Variants in LRRC4C observed in about 807,000 individuals in gnomAD.
LRRC4C encodes leucine-rich repeat-containing protein 4C.
Under a neutral mutation model 33.6 loss-of-function variants are expected in LRRC4C, and 5 were observed. The ratio of observed to expected loss-of-function variants is 0.15; its 90% confidence interval spans 0.08 to 0.31. LRRC4C has a LOEUF of 0.31. Ranked by LOEUF, LRRC4C falls within the 10% of genes least tolerant of loss-of-function variation. The pLI, the probability that LRRC4C is intolerant of heterozygous loss-of-function variation, is 1.00. For missense variants in LRRC4C, 560 were observed against 796.7 expected (o/e 0.70, Z 3.58); for synonymous variants, 329 against 302.0 (o/e 1.09, Z -0.93).
intron 3 of LRRC4C, among the ~76,000 whole-genome samples, chr11:40,533,221 AATTG>A (rs1401197561): frequency 1.3e-5 from 2 of 152,176 alleles, no homozygotes; most frequent in Non-Finnish European, 2.9e-5. Context: ...GTAACTATTA[AATTG>A]ATTAACAAAT....
intron 1 of LRRC4C, among the ~76,000 whole-genome samples, chr11:41,226,121 G>A (rs1947523122): frequency 6.6e-6 from 1 of 152,112 alleles, no homozygotes; most frequent in Non-Finnish European, 1.5e-5. Flanking sequence ...TTTTGCAGAG[G>A]ACATGGAAAT....
At chr11:40,809,906 G>A (rs891113849) in intron 2 of LRRC4C, among the ~76,000 whole-genome samples, 8 of 152,100 alleles carry the variant, frequency 5.3e-5, no homozygotes, top group African/African-American at 1.9e-4. Flanking sequence ...AGTACTCTAA[G>A]AGATTGAAAT....
chr11:40,671,482 A>G (rs1047747960), intron 2 of LRRC4C, among the ~76,000 whole-genome samples: 45 of 152,208 alleles, frequency 3.0e-4, no homozygotes, highest in Middle Eastern at 3.4e-3. Context: ...CTCAGCCCCT[A>G]CTATTCTTTA....
chr11:40,179,031 G>T (rs1860754183), intron 5 of LRRC4C, among the ~76,000 whole-genome samples: 1 of 145,706 alleles, frequency 6.9e-6, no homozygotes, highest in East Asian at 2.0e-4. Flanking sequence ...TTTAGATACG[G>T]TCTTGCTCAG....
intron 1 of LRRC4C, among the ~76,000 whole-genome samples, chr11:41,266,337 C>A (rs75753607): frequency 0.017 from 2,532 of 152,058 alleles, 68 homozygotes; most frequent in African/African-American, 0.059. Context: ...TCAAAACCTG[C>A]GAAATTTGAG....
intron 3 of LRRC4C, among the ~76,000 whole-genome samples, chr11:40,440,186 C>T (rs1297591586): frequency 6.6e-6 from 1 of 152,040 alleles, no homozygotes; most frequent in East Asian, 1.9e-4. Flanking sequence ...TTCCCAGTAC[C>T]TAGAACATTT....
At chr11:41,120,769 A>G (rs1038316225) in intron 1 of LRRC4C, among the ~76,000 whole-genome samples, 3 of 152,174 alleles carry the variant, frequency 2.0e-5, no homozygotes, top group South Asian at 2.1e-4. Context: ...GTAATTACCA[A>G]TGTTGGAGGA....
intron 2 of LRRC4C, among the ~76,000 whole-genome samples, chr11:40,888,462 T>A (rs1955559658): frequency 6.6e-6 from 1 of 152,020 alleles, no homozygotes; most frequent in Non-Finnish European, 1.5e-5. Flanking sequence ...TTTTCCACAC[T>A]TGCGTTTAAT....
intron 2 of LRRC4C, among the ~76,000 whole-genome samples, chr11:40,756,439 A>G (rs1041600324): frequency 2.6e-5 from 4 of 151,950 alleles, no homozygotes; most frequent in African/African-American, 9.7e-5. Context: ...CTTAATTTTC[A>G]TTTTGTAGCA....
chr11:41,094,912 CAG>C lies in LRRC4C; in HGVS notation c.-495-161191_-495-161190del, dbSNP rs141598452. On this transcript the variant is annotated intron_variant, in intron 1 of 6. Transcript: ENST00000528697. ...TGTCTAAAAAGGTAGAGCTTAAAGA[CAG>C]AGTTTCATGACTTTAAAATACATCT... is the stretch of plus-strand genomic sequence containing the variant. 1.5e-3 allele frequency among the ~76,000 whole-genome samples: 230 copies of C among 152,218 alleles called. 2 individuals are homozygous for C. The highest frequency in any genetic ancestry group is 5.0e-3 in the African/African-American group (206 of 41,542).
chr11:41,207,574 C>G (rs1169127192), intron 1 of LRRC4C, among the ~76,000 whole-genome samples: 5 of 152,004 alleles, frequency 3.3e-5, no homozygotes, highest in Non-Finnish European at 7.4e-5. Context: ...ATCTCTCCCT[C>G]CCACCCATCT....
In LRRC4C at chr11:40,599,588, T is replaced by C. The variant is rs1959762634; in HGVS notation, c.-270+48554A>G. 3.3e-5 allele frequency among the ~76,000 whole-genome samples: 5 copies of C among 152,186 alleles called. No individual in the cohort carries two copies. The South Asian group carries it at 1.0e-3, about 31-fold the overall frequency. On this transcript the variant is annotated intron_variant, in intron 3 of 6. Coordinates refer to ENST00000528697, the MANE Select transcript of LRRC4C (RefSeq NM_001258419.2). Reference sequence around the variant, plus strand: ...ATTATTTATTTACTTGGTTTGTTTTTCATCATCTGCCTCCTCCACTAGAAT... The same window carrying C: ...ATTATTTATTTACTTGGTTTGTTTTCCATCATCTGCCTCCTCCACTAGAAT...
chr11:40,730,523 C>A (rs1247651680), intron 2 of LRRC4C, among the ~76,000 whole-genome samples: 1 of 150,466 alleles, frequency 6.6e-6, no homozygotes. Flanking sequence ...CATAAATAAA[C>A]TGAGACTTAA....
intron 3 of LRRC4C, among the ~76,000 whole-genome samples, chr11:40,589,315 T>G (rs1958921163): frequency 6.6e-6 from 1 of 152,076 alleles, no homozygotes; most frequent in Non-Finnish European, 1.5e-5. Context: ...CCTTTTTTTG[T>G]TTTCCATTTG....
chr11:40,119,157 T>G (rs1855646064), intron 6 of LRRC4C, among the ~76,000 whole-genome samples: 1 of 152,106 alleles, frequency 6.6e-6, no homozygotes, highest in Non-Finnish European at 1.5e-5. Flanking sequence ...TTTTTTCCCC[T>G]CAGTAATAGG....
At chr11:41,287,419 G>C (rs1182677379) in intron 1 of LRRC4C, among the ~76,000 whole-genome samples, 1 of 152,126 alleles carries the variant, frequency 6.6e-6, no homozygotes, top group African/African-American at 2.4e-5. Context: ...TGGTGCAAAA[G>C]TAATTGCATT....
At chr11:40,279,868 G>A (rs1943354743) in intron 4 of LRRC4C, among the ~76,000 whole-genome samples, 2 of 152,084 alleles carry the variant, frequency 1.3e-5, no homozygotes, top group African/African-American at 4.8e-5. Flanking sequence ...ATTACTTATG[G>A]GACTATGCTC....
At chr11:40,955,946 T>A (rs77187569) in intron 1 of LRRC4C, among the ~76,000 whole-genome samples, 4,007 of 151,956 alleles carry the variant, frequency 0.026, 61 homozygotes, top group Non-Finnish European at 0.04. Context: ...TTGTTCTCAT[T>A]CACATTCTCC....
chr11:41,099,530 G>A (rs900330279), intron 1 of LRRC4C, among the ~76,000 whole-genome samples: 4 of 152,058 alleles, frequency 2.6e-5, no homozygotes, highest in African/African-American at 9.7e-5. Context: ...ATGAAAGGTT[G>A]GTTCAACATA....
Sources: gnomAD v4.1 joint callset for allele counts (sites outside exome capture counted in the v4.1 genomes callset) on GRCh38, gnomAD v4.1.1 for gene constraint, MANE v1.5 for transcripts, NCBI Gene and HGNC (gene_info 2026-07-23, HGNC 2026-07-21) for gene names.